TMEM119: variants seen among roughly 807,000 people sequenced by gnomAD.
TMEM119 encodes the protein transmembrane protein 119.
For synonymous variants in TMEM119, 182 were observed against 176.4 expected (o/e 1.03, Z -0.25); for missense variants, 410 against 381.0 (o/e 1.08, Z -0.63).
chr12:108,592,024 C>T lies in TMEM119; in HGVS notation c.360G>A (p.Gln120=). The T allele has an allele frequency of 6.2e-7, 1 of 1,614,172 alleles. No individual in the cohort carries two copies. Among genetic ancestry groups the T allele is most frequent in the Non-Finnish European group, 8.5e-7 (1 of 1,180,004 alleles). ...GGTAATAGGCCGAGGCCTTCTGCTT[C>T]TGCCGGGTGATGACCGCGGCACAGA... ...FIVCAAVITR[Q]KQKASAYYPS... Residue 120 remains glutamine (Q), a synonymous_variant, in exon 2 of 2, where the codon CAG becomes CAA. Transcript: ENST00000392806. This position sits in a 1 kb window ranked among gnomAD's most constrained non-coding sequence, Gnocchi z 4.3.
In TMEM119 at chr12:108,590,501, A is replaced by T. The variant is rs1265446103; in HGVS notation, c.*1031T>A. ...ACCTGAAGGTCAGGAGTTCCAGACCAGCCTGGCCAACATGGTGAAGCCCCA... is the reference window on the plus strand; with the variant it reads ...ACCTGAAGGTCAGGAGTTCCAGACCTGCCTGGCCAACATGGTGAAGCCCCA... On this transcript the variant is annotated 3_prime_UTR_variant, in exon 2 of 2. Coordinates refer to ENST00000392806, the MANE Select transcript of TMEM119 (RefSeq NM_181724.3). The T allele has an allele frequency of 6.6e-6, 1 of 152,192 alleles. No homozygotes were observed. Among genetic ancestry groups the T allele is most frequent in the East Asian group, 1.9e-4 (1 of 5,188 alleles). The allele number at this position is 152,192 out of a possible 1,614,324, so 9.4% of individuals were successfully genotyped here. A position where few individuals can be genotyped will look rare whatever the true frequency, so the allele number is the denominator to read the frequency against.
rs909069158 is a variant in TMEM119, at chr12:108,592,012, G to A, written c.372C>T (p.Ala124=). The change falls in exon 2 of 2, where the codon GCC becomes GCT. Residue 124 remains alanine, a synonymous_variant. Transcript: ENST00000392806. The surrounding 1 kb of genome is among the most constrained non-coding windows in gnomAD (Gnocchi z 4.3). ...GGAAGGACGATGGGTAATAGGCCGA[G>A]GCCTTCTGCTTCTGCCGGGTGATGA... is the stretch of plus-strand genomic sequence containing the variant. ...AAVITRQKQK[A]SAYYPSSFPK... is the part of the protein sequence containing the mutation. 6.2e-7 allele frequency: 1 copy of A among 1,613,946 alleles called. No homozygotes were observed. The highest frequency in any genetic ancestry group is 8.5e-7 in the Non-Finnish European group (1 of 1,179,982).
At chr12:108,595,450 A>C (rs561591873) in intron 1 of TMEM119, among the ~76,000 whole-genome samples, 73 of 149,936 alleles carry the variant, frequency 4.9e-4, no homozygotes, top group African/African-American at 1.6e-3. Context: ...CATACTACAC[A>C]CACAATCATC....
At position 108,591,669 on chromosome 12, in the gene TMEM119, C is replaced by T; in HGVS notation, c.715G>A (p.Val239Ile). The change falls in exon 2 of 2, where the codon GTC becomes ATC. Residue 239 changes from valine (V) to isoleucine (I), a missense_variant. Physicochemically the swap from Val to Ile is conservative, Grantham distance 29. Transcript: ENST00000392806. This position sits in a 1 kb window ranked among gnomAD's most constrained non-coding sequence, Gnocchi z 4.2. Reference sequence around the variant, plus strand: ...CCGGCCACCACAGCCCCCTCAAGGACCCCTGAGCACGGCTCCTCCTGCGCC... The same window carrying T: ...CCGGCCACCACAGCCCCCTCAAGGATCCCTGAGCACGGCTCCTCCTGCGCC... ...PEAQEEPCSG[V>I]LEGAVVAGEG... The T allele has an allele frequency of 6.2e-7, 1 of 1,614,002 alleles. No homozygotes were observed. Among genetic ancestry groups the T allele is most frequent in the Non-Finnish European group, 8.5e-7 (1 of 1,179,988 alleles).
intron 1 of TMEM119, among the ~76,000 whole-genome samples, chr12:108,596,445 C>CAG (rs1220652507): frequency 6.6e-6 from 1 of 151,886 alleles, no homozygotes; most frequent in African/African-American, 2.4e-5. Flanking sequence ...CACACACACA[C>CAG]ACACACGAAG....
In TMEM119 at chr12:108,592,336, G is replaced by T. The variant is rs10861953; in HGVS notation, c.48C>A (p.Leu16=). 15 of 1,586,614 alleles carry T rather than the reference G, an allele frequency of 9.5e-6. No individual in the cohort carries two copies. The highest frequency in any genetic ancestry group is 2.7e-5 in the African/African-American group (2 of 74,470). Reference sequence around the variant, plus strand: ...CGTCGGTAGCAGGCACAGACCCCAGGAGCAGCAACAGAAGGATGAGGAGGC... The same window carrying T: ...CGTCGGTAGCAGGCACAGACCCCAGTAGCAGCAACAGAAGGATGAGGAGGC... ...APSLLILLLL[L]LGSVPATDAR... The change falls in exon 2 of 2, where the codon CTC becomes CTA. Residue 16 remains leucine (L), a synonymous_variant. Transcript: ENST00000392806. This position sits in a 1 kb window ranked among gnomAD's most constrained non-coding sequence, Gnocchi z 4.3.
chr12:108,589,977 G>A lies in TMEM119; in HGVS notation c.*1555C>T, dbSNP rs2136736930. ...TCCTGCCAGAGCCTCCCTAAAGCAG[G>A]ACGGAGCCCAGGCTCCCTGTCGAGG... On this transcript the variant is annotated 3_prime_UTR_variant, in exon 2 of 2. Transcript: ENST00000392806. 1 of 152,498 alleles carries A rather than the reference G, an allele frequency of 6.6e-6. No homozygotes were observed. Among genetic ancestry groups the A allele is most frequent in the Admixed American group, 6.5e-5 (1 of 15,308 alleles). 9.4% of individuals were successfully genotyped at this position (152,498 alleles called of 1,614,324 possible).
In TMEM119 at chr12:108,591,623, T is replaced by G; in HGVS notation, c.761A>C (p.Glu254Ala). The G allele has an allele frequency of 6.2e-7, 1 of 1,613,904 alleles. No individual in the cohort carries two copies. Among genetic ancestry groups the G allele is most frequent in the Non-Finnish European group, 8.5e-7 (1 of 1,179,956 alleles). ...VVAGEGQGEL[E>A]GSLLLAQEAQ... ...TTCCTGGGCTAACAAGAGAGACCCT[T>G]CCAGCTCCCCTTGGCCCTCACCGGC... Residue 254 changes from glutamate (E) to alanine (A), a missense_variant, in exon 2 of 2, where the codon GAA becomes GCA. Glu to Ala is a moderately radical substitution (Grantham distance 107). Transcript: ENST00000392806. This position sits in a 1 kb window ranked among gnomAD's most constrained non-coding sequence, Gnocchi z 4.2.
chr12:108,596,567 G>A (rs758192453), intron 1 of TMEM119, among the ~76,000 whole-genome samples: 2 of 152,166 alleles, frequency 1.3e-5, no homozygotes, highest in African/African-American at 2.4e-5. Context: ...GGCTTCCAGG[G>A]AAAGGTGGGG....
intron 1 of TMEM119, among the ~76,000 whole-genome samples, chr12:108,595,171 G>T (rs530061413): frequency 1.3e-5 from 2 of 151,894 alleles, no homozygotes; most frequent in African/African-American, 4.8e-5. Flanking sequence ...GAGTTTACAC[G>T]CACATTCACA....
At chr12:108,594,992 T>A (rs2031480722) in intron 1 of TMEM119, among the ~76,000 whole-genome samples, 2 of 152,158 alleles carry the variant, frequency 1.3e-5, no homozygotes, top group Admixed American at 1.3e-4. Flanking sequence ...CGGGTACTCA[T>A]CTAAGCCCTT....
At chr12:108,593,638 G>GCGCCC (rs1352329426) in intron 1 of TMEM119, among the ~76,000 whole-genome samples, 1 of 152,160 alleles carries the variant, frequency 6.6e-6, no homozygotes, top group Non-Finnish European at 1.5e-5. Flanking sequence ...AGCTGCCGAT[G>GCGCCC]CGCCCCGCCC....
rs1168995539 is a variant in TMEM119 at position 108,592,186 on chromosome 12, C to T, written c.198G>A (p.Ser66=). Residue 66 remains serine (S), a synonymous_variant, in exon 2 of 2, where the codon TCG becomes TCA. Coordinates refer to ENST00000392806, the MANE Select transcript of TMEM119 (RefSeq NM_181724.3). The surrounding 1 kb of genome is among the most constrained non-coding windows in gnomAD (Gnocchi z 4.3). The stretch of plus-strand genomic sequence containing the variant: ...CCAGGGTTATGGGCTGGGGCCCCAT[C>T]GATGTGGGGCTGAGGGCCGGGGTCC... ...PPWTPALSPT[S]MGPQPITLGG... The T allele has an allele frequency of 6.8e-6, 11 of 1,613,466 alleles. No homozygotes were observed. Among genetic ancestry groups the T allele is most frequent in the East Asian group, 2.2e-5 (1 of 44,852 alleles).
At chr12:108,596,157 G>T (rs559148812) in intron 1 of TMEM119, among the ~76,000 whole-genome samples, 259 of 152,256 alleles carry the variant, frequency 1.7e-3, no homozygotes, top group African/African-American at 6.1e-3. Flanking sequence ...AGGAAAGATA[G>T]GGTCTGGGGT....
Position 108,592,042 on chromosome 12 carries a change from G to A in TMEM119, c.342C>T (p.Ala114=), listed in dbSNP as rs769864608. Residue 114 remains alanine, a synonymous_variant, in exon 2 of 2, where the codon GCC becomes GCT. Transcript: ENST00000392806. The surrounding 1 kb of genome is among the most constrained non-coding windows in gnomAD (Gnocchi z 4.3). ...LAFLLMFIVC[A]AVITRQKQKA... The stretch of plus-strand genomic sequence containing the variant: ...TCTGCTTCTGCCGGGTGATGACCGC[G>A]GCACAGACGATGAACATCAGCAGAA... The A allele has an allele frequency of 1.1e-5, 18 of 1,614,106 alleles. No individual in the cohort carries two copies. Among genetic ancestry groups the A allele is most frequent in the Middle Eastern group, 1.6e-4 (1 of 6,062 alleles).
chr12:108,597,758 C>T (rs910809652), intron 1 of TMEM119, among the ~76,000 whole-genome samples: 2 of 152,044 alleles, frequency 1.3e-5, no homozygotes, highest in African/African-American at 2.4e-5. Flanking sequence ...AGGCCCCAGC[C>T]GCACACACAC....
At chr12:108,597,338 G>A (rs1565883330) in intron 1 of TMEM119, among the ~76,000 whole-genome samples, 1 of 152,066 alleles carries the variant, frequency 6.6e-6, no homozygotes, top group Non-Finnish European at 1.5e-5. Context: ...GGCCTTGTGG[G>A]GGAGGGGTGT....
intron 1 of TMEM119, among the ~76,000 whole-genome samples, chr12:108,595,361 ACACACATG>A (rs1267301775): frequency 2.9e-5 from 1 of 34,574 alleles, no homozygotes; most frequent in South Asian, 1.8e-3. Context: ...ACACAATCAT[ACACACATG>A]CACACACACC....
At position 108,598,019 on chromosome 12, in the gene TMEM119, TG is replaced by T. The variant is rs1030163806; in HGVS notation, c.-65del. On this transcript the variant is annotated 5_prime_UTR_variant, in exon 1 of 2. Coordinates refer to ENST00000392806, the MANE Select transcript of TMEM119 (RefSeq NM_181724.3). ...GTGCTCCCGCCGAATGGAGCGAGAG[TG>T]GGGGGCACCTGGGCTGGAAGAGAGA... The T allele has an allele frequency of 5.3e-5, 8 of 152,044 alleles. No homozygotes were observed. Among genetic ancestry groups the T allele is most frequent in the South Asian group, 2.1e-4 (1 of 4,824 alleles). 9.4% of individuals were successfully genotyped at this position (152,044 alleles called of 1,614,324 possible). A position where few individuals can be genotyped will look rare whatever the true frequency, so the allele number is the denominator to read the frequency against.
Sources: allele counts gnomAD v4.1 joint callset (sites outside exome capture counted in the v4.1 genomes callset), GRCh38; gene constraint gnomAD v4.1.1; non-coding constraint Gnocchi (gnomAD v3.1); transcripts MANE v1.5; gene names NCBI Gene and HGNC (gene_info 2026-07-23, HGNC 2026-07-21).